Variants in SGO1 observed in about 807,000 individuals in gnomAD.
SGO1 encodes the protein shugoshin 1, also known as serologically defined breast cancer antigen NY-BR-85.
SGO1 carries 39 observed loss-of-function variants against 50.5 expected under a neutral mutation model. The ratio of observed to expected loss-of-function variants is 0.77; its 90% CI spans 0.60 to 1.01. SGO1 has a LOEUF of 1.01. SGO1 is among the 50% of genes least tolerant of loss of function. SGO1 has a pLI of 0.00. For synonymous variants in SGO1, 191 were observed against 205.1 expected (o/e 0.93, Z 0.59); for missense variants, 638 against 606.0 (o/e 1.05, Z -0.55).
intron 1 of SGO1, 33 bp downstream of exon 1, chr3:20,185,915 T>C (rs1254670804): frequency 1.3e-5 from 2 of 152,116 alleles, no homozygotes; most frequent in Non-Finnish European, 2.9e-5. Context: ...CGAAGGGAAG[T>C]CAAACAGGGA....
At chr3:20,179,829 A>G (rs890616600) in intron 3 of SGO1, among the ~76,000 whole-genome samples, 2 of 152,224 alleles carry the variant, frequency 1.3e-5, no homozygotes, top group African/African-American at 2.4e-5. Flanking sequence ...GGGGAGCATG[A>G]TATCATGAAA....
intron 6 of SGO1, among the ~76,000 whole-genome samples, chr3:20,173,629 G>T (rs978449955): frequency 6.6e-6 from 1 of 152,174 alleles, no homozygotes; most frequent in African/African-American, 2.4e-5. Flanking sequence ...GATACAACTT[G>T]ACTATAAATG....
At chr3:20,179,159 A>C (rs1311206410) in intron 3 of SGO1, among the ~76,000 whole-genome samples, 1 of 152,170 alleles carries the variant, frequency 6.6e-6, no homozygotes, top group African/African-American at 2.4e-5. Flanking sequence ...GGCCTAAGCA[A>C]ACATGTAGGC....
chr3:20,163,530 T>C (rs1463338998), intron 8 of SGO1, among the ~76,000 whole-genome samples: 1 of 152,158 alleles, frequency 6.6e-6, no homozygotes, highest in Non-Finnish European at 1.5e-5. Flanking sequence ...CATTTTCAGG[T>C]TTTGAGAATT....
chr3:20,170,902 C>T (rs1340596776), intron 7 of SGO1, 87 bp from the exon 8 acceptor site: 7 of 1,500,020 alleles, frequency 4.7e-6, no homozygotes, highest in Non-Finnish European at 6.3e-6. Context: ...TAAAACACAC[C>T]AATTTTAAAT....
intron 8 of SGO1, among the ~76,000 whole-genome samples, chr3:20,162,721 A>C (rs1171620999): frequency 1.6e-5 from 2 of 123,542 alleles, no homozygotes; most frequent in Non-Finnish European, 3.9e-5. Context: ...AATATGCTCT[A>C]GAATATAAAA....
rs1229167441 is a variant in SGO1, at chr3:20,183,497, A to G, written c.339+111T>C. ...AGCACTAAAGAAGGATGTTTTAAACAATTCATGCATAACTGAGCTATCAGT... is the reference window on the plus strand; with the variant it reads ...AGCACTAAAGAAGGATGTTTTAAACGATTCATGCATAACTGAGCTATCAGT... On this transcript the variant is annotated intron_variant, in intron 3 of 7. Transcript: ENST00000412997. The G allele has an allele frequency of 9.5e-5, 86 of 907,106 alleles. 1 individual carries two copies. The highest frequency in any genetic ancestry group is 1.4e-4 in the Non-Finnish European group (84 of 604,880). 56.2% of individuals were successfully genotyped at this position (907,106 alleles called of 1,614,324 possible). A position where few individuals can be genotyped will look rare whatever the true frequency, so the allele number is the denominator to read the frequency against.
rs1700560856 is a variant in SGO1 at position 20,170,124 on chromosome 3, C to T, written c.*580G>A. On this transcript the variant is annotated 3_prime_UTR_variant, in exon 8 of 8. Transcript: ENST00000412997. ...ATGTTTGTATAAGATACATTTTGGG[C>T]TGGGCACAGTGGCTCAGTAATCCCA... 3 of 985,016 alleles carry T rather than the reference C, an allele frequency of 3.0e-6. No homozygotes were observed. In the South Asian group the frequency reaches 1.4e-4, roughly 46 times the overall value. 61.0% of individuals were successfully genotyped at this position (985,016 alleles called of 1,614,324 possible).
At chr3:20,172,641 C>A (rs1156665667) in intron 6 of SGO1, among the ~76,000 whole-genome samples, 5 of 151,298 alleles carry the variant, frequency 3.3e-5, no homozygotes, top group South Asian at 2.1e-4. Flanking sequence ...CGTTTAAAAA[C>A]GTATTTTTTA....
chr3:20,183,431 T>C (rs928745764), intron 3 of SGO1, among the ~76,000 whole-genome samples, 177 bp downstream of exon 3: 7 of 152,230 alleles, frequency 4.6e-5, no homozygotes, highest in African/African-American at 1.4e-4. Flanking sequence ...ACCTATATGC[T>C]TGAAGCTTTC....
At chr3:20,161,232 A>G (rs750813141) in intron 8 of SGO1, 36 of 1,565,260 alleles carry the variant, frequency 2.3e-5, no homozygotes, top group Non-Finnish European at 3.1e-5. Flanking sequence ...GGCTCCTGGT[A>G]AAAGCAAACA....
intron 4 of SGO1, among the ~76,000 whole-genome samples, 162 bp from the exon 5 acceptor site, chr3:20,176,821 T>A (rs951895296): frequency 2.2e-4 from 33 of 152,364 alleles, no homozygotes; most frequent in African/African-American, 7.9e-4. Flanking sequence ...AGGACACTTA[T>A]GCTGATTACA....
intron 4 of SGO1, among the ~76,000 whole-genome samples, chr3:20,177,487 ATTATG>A (rs1701530963): frequency 6.6e-6 from 1 of 152,182 alleles, no homozygotes; most frequent in Non-Finnish European, 1.5e-5. Context: ...TCCAAGGGCA[ATTATG>A]CTCTCCAGGG....
chr3:20,180,808 CA>C (rs1426694543), intron 3 of SGO1, among the ~76,000 whole-genome samples: 1 of 152,154 alleles, frequency 6.6e-6, no homozygotes, highest in African/African-American at 2.4e-5. Flanking sequence ...TCATTAAAAA[CA>C]AAACAACTAG....
At chr3:20,175,778 C>T (rs930324264) in intron 5 of SGO1, among the ~76,000 whole-genome samples, 4 of 147,328 alleles carry the variant, frequency 2.7e-5, no homozygotes, top group South Asian at 2.2e-4. Context: ...CAAGCCTGGG[C>T]GACAGAGCAA....
Position 20,174,937 on chromosome 3 carries a change from A to G in SGO1, c.594T>C (p.His198=), listed in dbSNP as rs1701208606. ...TATCAAACTGACATATACTGTTACA[A>G]TGTTTCTTTAAACTGCTACGAACAG... ...TVSVRSSLKK[H]CNSICQFDSL... is the part of the protein sequence containing the mutation. The change falls in exon 6 of 8, where the codon CAT becomes CAC. Residue 198 remains histidine, a synonymous_variant. Coordinates refer to ENST00000412997, the MANE Select transcript of SGO1 (RefSeq NM_001199251.3). The G allele has an allele frequency of 1.4e-5, 23 of 1,613,948 alleles. No individual in the cohort carries two copies. In the East Asian group the frequency reaches 2.5e-4, roughly 17 times the overall value.
chr3:20,183,910 T>C lies in SGO1; in HGVS notation c.118A>G (p.Ile40Val), dbSNP rs759075744. The C allele has an allele frequency of 1.8e-5, 29 of 1,611,140 alleles. No homozygotes were observed. In the East Asian group the frequency reaches 5.4e-4, roughly 30 times the overall value. ...CTGATTATTTGGCATGGTGCAGCTA[T>C]AAAAGACCTGCGTTTGCCAATCTCT... ...LAEIGKRRSF[I>V]AAPCQIITNT... The change falls in exon 2 of 8, where the codon ATA (isoleucine) becomes GTA (valine). Residue 40 changes from isoleucine (I) to valine (V), a missense_variant. Physicochemically the swap from Ile to Val is conservative, Grantham distance 29. Transcript: ENST00000412997.
intron 3 of SGO1, 48 bp downstream of exon 3, chr3:20,183,560 T>C: frequency 7.1e-7 from 1 of 1,412,074 alleles, no homozygotes; most frequent in Non-Finnish European, 9.6e-7. Context: ...AAACTACTTA[T>C]TCATGGCTTA....
At chr3:20,169,128 A>C, downstream of SGO1, 1 of 985,402 alleles carries the variant, frequency 1.0e-6, no homozygotes, top group Non-Finnish European at 1.2e-6. Flanking sequence ...GATGAAAAGG[A>C]TTTTGGCTCT....
Sources: allele counts gnomAD v4.1 joint callset (sites outside exome capture counted in the v4.1 genomes callset), GRCh38; gene constraint gnomAD v4.1.1; transcripts MANE v1.5; gene names NCBI Gene and HGNC (gene_info 2026-07-23, HGNC 2026-07-21).